The following ADAMTS9 variants were observed in gnomAD, a reference collection of about 807,000 sequenced individuals.
ADAMTS9 encodes the protein ADAM metallopeptidase with thrombospondin type 1 motif 9.
Under a neutral mutation model 257.1 loss-of-function variants are expected in ADAMTS9, and 107 were observed. The observed-to-expected ratio is 0.42, with a 90% confidence interval of 0.36 to 0.49. ADAMTS9 has a LOEUF of 0.49. Ranked by LOEUF, ADAMTS9 falls within the 20% of genes least tolerant of loss-of-function variation. The pLI, the probability that ADAMTS9 is intolerant of heterozygous loss-of-function variation, is 0.03. For synonymous variants in ADAMTS9, 982 were observed against 880.9 expected (o/e 1.11, Z -2.03); for missense variants, 2,353 against 2,469.1 (o/e 0.95, Z 1.00).
intron 38 of ADAMTS9, among the ~76,000 whole-genome samples, chr3:64,525,178 G>A (rs1288311763): frequency 6.6e-6 from 1 of 152,154 alleles, no homozygotes; most frequent in Non-Finnish European, 1.5e-5. Context: ...ATAACGATAC[G>A]AAATATACAT....
At position 64,649,746 on chromosome 3, in the gene ADAMTS9, G is replaced by A; in HGVS notation, c.1496C>T (p.Pro499Leu). The A allele has an allele frequency of 6.2e-7, 1 of 1,613,952 alleles. No homozygotes were observed. Residue 499 changes from proline to leucine, a missense_variant, in exon 10 of 40, where the codon CCT becomes CTT. Pro to Leu is a moderately conservative substitution (Grantham distance 98). Transcript: ENST00000498707. ...TGYGECLLNE[P>L]ESRPYPLPVQ... is the part of the protein sequence containing the mutation. ...AGGCAAAGGGTAGGGTCTGGATTCAGGTTCGTTAAGCAAACACTCGCCATA... is the reference window on the plus strand; with the variant it reads ...AGGCAAAGGGTAGGGTCTGGATTCAAGTTCGTTAAGCAAACACTCGCCATA...
intron 28 of ADAMTS9, among the ~76,000 whole-genome samples, chr3:64,593,624 G>A (rs1211176416): frequency 3.3e-5 from 5 of 152,094 alleles, no homozygotes; most frequent in Non-Finnish European, 7.4e-5. Flanking sequence ...GGAAGACTAG[G>A]ACCAAAGCAA....
intron 22 of ADAMTS9, among the ~76,000 whole-genome samples, chr3:64,607,353 C>A (rs981484918): frequency 1.3e-5 from 2 of 152,170 alleles, no homozygotes; most frequent in African/African-American, 4.8e-5. Context: ...GAGCAGACTG[C>A]ATCTCCATCA....
rs533568477 is a variant in ADAMTS9 at position 64,648,055 on chromosome 3, C to T, written c.1606-11G>A. ...CCGTCTGCACTGCATCTGCTCAATT[C>T]AATGAAATGGCAATTGAGTGACAAG... On this transcript the variant is annotated splice_polypyrimidine_tract_variant and intron_variant, in intron 10 of 39. Coordinates refer to ENST00000498707, the MANE Select transcript of ADAMTS9 (RefSeq NM_182920.2). The T allele has an allele frequency of 6.3e-7, 1 of 1,599,790 alleles. No individual in the cohort carries two copies.
intron 28 of ADAMTS9, among the ~76,000 whole-genome samples, chr3:64,579,326 T>C (rs76346246): frequency 0.01 from 1,589 of 152,322 alleles, 57 homozygotes; most frequent in East Asian, 0.07. Flanking sequence ...TTTGCTCAAA[T>C]GTCACTTTCT....
In ADAMTS9 at chr3:64,595,235, C is replaced by G. The variant is rs561936256; in HGVS notation, c.4180-801G>C. 2.0e-5 allele frequency among the ~76,000 whole-genome samples: 3 copies of G among 152,300 alleles called. No individual in the cohort carries two copies. In the East Asian group the frequency reaches 5.8e-4, roughly 29 times the overall value. ...CTCCATAGCCCTTTATGACACTAAC[C>G]TATTTTACTGTATCTCTGAATGTGA... On this transcript the variant is annotated intron_variant, in intron 27 of 39. Transcript: ENST00000498707.
At chr3:64,604,905 G>A (rs1005582158) in intron 23 of ADAMTS9, among the ~76,000 whole-genome samples, 2 of 152,182 alleles carry the variant, frequency 1.3e-5, no homozygotes, top group Non-Finnish European at 2.9e-5. Context: ...GGTCATCTGC[G>A]TACAGGTAAT....
chr3:64,679,353 G>C (rs1412528183), intron 3 of ADAMTS9, among the ~76,000 whole-genome samples: 1 of 152,082 alleles, frequency 6.6e-6, no homozygotes, highest in Non-Finnish European at 1.5e-5. Context: ...AGAAACATGG[G>C]TCATCATTGT....
rs186153723 is a variant in ADAMTS9, at chr3:64,555,806, T to C, written c.4699-4744A>G. On this transcript the variant is annotated intron_variant, in intron 30 of 39. Transcript: ENST00000498707. ...ATGCACGGTGGCTGGAGGTGAGAAA[T>C]GGCATGGGTGGAGAAGCGGGGGAGC... is the stretch of plus-strand genomic sequence containing the variant. Among the ~76,000 whole-genome samples, 8 of 152,118 alleles carry C rather than the reference T, an allele frequency of 5.3e-5. No individual in the cohort carries two copies. The East Asian group carries it at 1.5e-3, about 29-fold the overall frequency.
intron 11 of ADAMTS9, among the ~76,000 whole-genome samples, chr3:64,645,068 A>T (rs1700752378): frequency 6.6e-6 from 1 of 152,326 alleles, no homozygotes; most frequent in African/African-American, 2.4e-5. Flanking sequence ...TGTTTGGGAA[A>T]CATGCACCAA....
At chr3:64,542,600 G>A (rs2083140639) in intron 32 of ADAMTS9, among the ~76,000 whole-genome samples, 1 of 151,968 alleles carries the variant, frequency 6.6e-6, no homozygotes, top group East Asian at 1.9e-4. Flanking sequence ...ACAAATTTTT[G>A]TATTTTATTA....
At chr3:64,639,312 TAAAAAA>T (rs761906399) in intron 12 of ADAMTS9, among the ~76,000 whole-genome samples, 1 of 89,224 alleles carries the variant, frequency 1.1e-5, no homozygotes, top group African/African-American at 4.8e-5. Context: ...TTTTTTTTTT[TAAAAAA>T]AAAAAAAAAA....
intron 38 of ADAMTS9, among the ~76,000 whole-genome samples, chr3:64,530,364 T>C (rs1575982923): frequency 2.0e-5 from 3 of 152,092 alleles, no homozygotes; most frequent in African/African-American, 7.2e-5. Context: ...TAGGACATGC[T>C]TCTCTGGACC....
intron 3 of ADAMTS9, among the ~76,000 whole-genome samples, chr3:64,662,554 T>C (rs1229134912): frequency 1.3e-5 from 2 of 152,174 alleles, no homozygotes; most frequent in Non-Finnish European, 2.9e-5. Context: ...TTTCTGTCAG[T>C]TTTTGCTTTA....
At chr3:64,654,039 T>C (rs1009014721) in intron 8 of ADAMTS9, among the ~76,000 whole-genome samples, 3 of 152,090 alleles carry the variant, frequency 2.0e-5, no homozygotes, top group Admixed American at 2.0e-4. Flanking sequence ...TCTGCTTCAG[T>C]AGAAGGAATG....
intron 8 of ADAMTS9, 82 bp from the exon 9 acceptor site, chr3:64,651,245 T>C (rs1055878065): frequency 1.6e-6 from 2 of 1,280,508 alleles, no homozygotes; most frequent in Non-Finnish European, 1.0e-6. Flanking sequence ...AATGCAACTA[T>C]CTAAGAGAAA....
At chr3:64,639,324 A>G (rs1346447243) in intron 12 of ADAMTS9, among the ~76,000 whole-genome samples, 1 of 148,360 alleles carries the variant, frequency 6.7e-6, no homozygotes, top group African/African-American at 2.5e-5. Flanking sequence ...AAAAAAAAAA[A>G]AAAAAAACCT....
At chr3:64,637,911 C>T (rs1700540247) in intron 12 of ADAMTS9, among the ~76,000 whole-genome samples, 1 of 152,154 alleles carries the variant, frequency 6.6e-6, no homozygotes, top group African/African-American at 2.4e-5. Flanking sequence ...CCACAGTAAC[C>T]AATTCTCAAC....
chr3:64,536,431 G>A (rs2083050427), intron 37 of ADAMTS9, among the ~76,000 whole-genome samples: 1 of 152,192 alleles, frequency 6.6e-6, no homozygotes. Context: ...AGAGTTATAC[G>A]TTTACTAGTT....
Sources: gnomAD v4.1 joint callset for allele counts (sites outside exome capture counted in the v4.1 genomes callset) on GRCh38, gnomAD v4.1.1 for gene constraint, MANE v1.5 for transcripts, NCBI Gene and HGNC (gene_info 2026-07-23, HGNC 2026-07-21) for gene names.